The following ZIM2 variants were observed in gnomAD, a reference collection of about 807,000 sequenced individuals.
The protein encoded by ZIM2 is zinc finger imprinted 2.
A neutral mutation model predicts 38.6 loss-of-function variants in ZIM2; 14 were observed. The observed-to-expected ratio is 0.36, with a 90% confidence interval of 0.24 to 0.57. The LOEUF (loss-of-function observed/expected upper bound fraction) is 0.57, where lower values mean the gene tolerates loss of function less well. Ranked by LOEUF, ZIM2 falls within the 20% of genes least tolerant of loss-of-function variation. The probability of loss-of-function intolerance (pLI) is 0.81; values close to 1 mark genes in which losing one functional copy is unlikely to be tolerated. For synonymous variants in ZIM2, 247 were observed against 245.8 expected (o/e 1.00, Z -0.04); for missense variants, 680 against 695.1 (o/e 0.98, Z 0.24).
chr19:56,816,521 A>G, intron 9 of ZIM2: 1 of 1,613,426 alleles, frequency 6.2e-7, no homozygotes, highest in Non-Finnish European at 8.5e-7. Flanking sequence ...TCTTTCAGGG[A>G]TGAGCTATGA....
intron 2 of ZIM2, among the ~76,000 whole-genome samples, chr19:56,827,365 G>A (rs145149255): frequency 5.6e-4 from 85 of 152,098 alleles, no homozygotes; most frequent in African/African-American, 1.9e-3. Context: ...TTGGCCCTTG[G>A]TCAATAGAAG....
rs376017612 is a variant in ZIM2 at position 56,811,137 on chromosome 19, T to A, written c.490+6609A>T. On this transcript the variant is annotated intron_variant, in intron 9 of 12. Coordinates refer to ENST00000629319, the MANE Select transcript of ZIM2 (RefSeq NM_001387356.1). ...CACTTTTCTGTATTTTCCAAGTGTG[T>A]GATAATGAGTTCAAATTATGTTCAC... 24 of 982,208 alleles carry A rather than the reference T, an allele frequency of 2.4e-5. No individual in the cohort carries two copies. In the African/African-American group the frequency reaches 3.5e-4, roughly 14 times the overall value. 60.8% of individuals were successfully genotyped at this position (982,208 alleles called of 1,614,324 possible). A position where few individuals can be genotyped will look rare whatever the true frequency, so the allele number is the denominator to read the frequency against.
At chr19:56,832,327 G>A (rs186031269) in intron 2 of ZIM2, among the ~76,000 whole-genome samples, 61 of 152,032 alleles carry the variant, frequency 4.0e-4, no homozygotes, top group African/African-American at 1.5e-3. Context: ...CACTCCCACC[G>A]ACAGTACCCT....
intron 2 of ZIM2, among the ~76,000 whole-genome samples, chr19:56,835,003 C>T (rs1469667301): frequency 1.3e-5 from 2 of 152,180 alleles, no homozygotes; most frequent in African/African-American, 4.8e-5. Flanking sequence ...ATGTGACTCA[C>T]TGTGCCTCCT....
At chr19:56,827,176 G>A (rs910195919) in intron 2 of ZIM2, among the ~76,000 whole-genome samples, 2 of 152,128 alleles carry the variant, frequency 1.3e-5, no homozygotes, top group Non-Finnish European at 2.9e-5. Flanking sequence ...AGAGATGGAG[G>A]ACTTCCTACA....
At chr19:56,781,673 A>T (rs534996989) in intron 11 of ZIM2, among the ~76,000 whole-genome samples, 2 of 152,082 alleles carry the variant, frequency 1.3e-5, no homozygotes, top group East Asian at 3.9e-4. Flanking sequence ...AACAACAACA[A>T]TAAGTATACC....
intron 9 of ZIM2, chr19:56,817,436 C>T (rs145308658): frequency 6.2e-6 from 10 of 1,614,054 alleles, no homozygotes; most frequent in Admixed American, 1.7e-5. Context: ...TGTGACCGGT[C>T]GCTTGACTCC....
Position 56,793,070 on chromosome 19 carries a change from T to C in ZIM2, c.491-3119A>G, listed in dbSNP as rs570777498. 2.6e-5 allele frequency: 4 copies of C among 152,726 alleles called. No individual in the cohort carries two copies. In the South Asian group the frequency reaches 8.3e-4, roughly 32 times the overall value. The allele number at this position is 152,726 out of a possible 1,614,324, so 9.5% of individuals were successfully genotyped here. A position where few individuals can be genotyped will look rare whatever the true frequency, so the allele number is the denominator to read the frequency against. Reference sequence around the variant, plus strand: ...GCCTCTTTGCTGTTCTTGGGCTGTTTTGACCTCACCCATGTCTGAATCTCC... The same window carrying C: ...GCCTCTTTGCTGTTCTTGGGCTGTTCTGACCTCACCCATGTCTGAATCTCC... On this transcript the variant is annotated intron_variant, in intron 9 of 12. Coordinates refer to ENST00000629319, the MANE Select transcript of ZIM2 (RefSeq NM_001387356.1).
intron 9 of ZIM2, chr19:56,812,757 T>A: frequency 1.0e-6 from 1 of 985,014 alleles, no homozygotes; most frequent in Non-Finnish European, 1.2e-6. Context: ...AGATGTAAGA[T>A]TTACAGGGAA....
At chr19:56,797,091 G>A (rs1042385225) in intron 9 of ZIM2, among the ~76,000 whole-genome samples, 1 of 152,084 alleles carries the variant, frequency 6.6e-6, no homozygotes, top group Non-Finnish European at 1.5e-5. Context: ...GCAGGCAGAT[G>A]ACCTGAGGTC....
At chr19:56,776,416 T>C (rs185643886) in intron 12 of ZIM2, among the ~76,000 whole-genome samples, 2 of 152,318 alleles carry the variant, frequency 1.3e-5, no homozygotes, top group Non-Finnish European at 2.9e-5. Flanking sequence ...ACTTTTAATA[T>C]GCACCTTGAA....
intron 9 of ZIM2, 99 bp from the exon 10 acceptor site, chr19:56,790,050 GA>G: frequency 1.0e-6 from 1 of 964,616 alleles, no homozygotes; most frequent in African/African-American, 1.7e-5. Context: ...CCTGCCATGG[GA>G]AGGAACAGCA....
intron 9 of ZIM2, chr19:56,793,321 G>A (rs946692078): frequency 3.9e-5 from 6 of 152,588 alleles, no homozygotes; most frequent in African/African-American, 1.2e-4. Flanking sequence ...AAAGATGTAG[G>A]GATTCCTCAA....
chr19:56,822,668 T>A, intron 6 of ZIM2, 85 bp downstream of exon 6: 1 of 1,544,392 alleles, frequency 6.5e-7, no homozygotes, highest in Non-Finnish European at 8.8e-7. Flanking sequence ...AGCAGAAACT[T>A]CGAGGCCCTG....
chr19:56,828,920 A>C (rs1229308241), intron 2 of ZIM2, among the ~76,000 whole-genome samples: 2 of 152,238 alleles, frequency 1.3e-5, no homozygotes, highest in African/African-American at 4.8e-5. Flanking sequence ...TGCAGGCATG[A>C]ACCACATTTC....
intron 7 of ZIM2, among the ~76,000 whole-genome samples, chr19:56,818,909 C>T (rs193059624): frequency 4.6e-5 from 7 of 152,304 alleles, no homozygotes; most frequent in East Asian, 1.9e-4. Context: ...ATCCCAAAGA[C>T]GCATGACACA....
intron 9 of ZIM2, chr19:56,813,696 G>A: frequency 6.2e-7 from 1 of 1,613,394 alleles, no homozygotes; most frequent in Non-Finnish European, 8.5e-7. Context: ...GGGTATTCTG[G>A]TGTCTGGCGA....
At chr19:56,836,130 C>T (rs1568727802) in intron 1 of ZIM2, 26 bp from the exon 2 acceptor site, 4 of 454,272 alleles carry the variant, frequency 8.8e-6, no homozygotes, top group Non-Finnish European at 1.3e-5. Flanking sequence ...AAATGTGAGA[C>T]GCCAAGTTTA....
chr19:56,817,824 C>T lies in ZIM2; in HGVS notation c.412G>A (p.Glu138Lys), dbSNP rs770908344. The part of the protein sequence containing the change: ...KLLSLGVQLA[E>K]DDGHSHMTQG... ...GTCATGTGGGAGTGGCCATCGTCTT[C>T]AGCAAGCTGCACTCCTGGTCACAAG... is the stretch of plus-strand genomic sequence containing the variant. The change falls in exon 9 of 13, where the codon GAA becomes AAA. Residue 138 changes from glutamate (E) to lysine (K), a missense_variant. By Grantham distance (56) the Glu-to-Lys change is moderately conservative (BLOSUM62 1). Coordinates refer to ENST00000629319, the MANE Select transcript of ZIM2 (RefSeq NM_001387356.1). The T allele has an allele frequency of 1.9e-5, 30 of 1,613,864 alleles. No individual in the cohort carries two copies. Among genetic ancestry groups the T allele is most frequent in the Non-Finnish European group, 1.9e-5 (23 of 1,179,958 alleles).
Sources: allele counts gnomAD v4.1 joint callset (sites outside exome capture counted in the v4.1 genomes callset), GRCh38; gene constraint gnomAD v4.1.1; transcripts MANE v1.5; gene names NCBI Gene and HGNC (gene_info 2026-07-23, HGNC 2026-07-21).